Variants in RABGAP1L observed in about 807,000 individuals in gnomAD.
RABGAP1L encodes the protein RAB GTPase activating protein 1 like.
A neutral mutation model predicts 137.7 loss-of-function variants in RABGAP1L; 63 were observed. The ratio of observed to expected loss-of-function variants is 0.46; its 90% CI spans 0.37 to 0.56. The LOEUF (loss-of-function observed/expected upper bound fraction) is 0.56, where lower values mean the gene tolerates loss of function less well. Ranked by LOEUF, RABGAP1L falls within the 20% of genes least tolerant of loss-of-function variation. RABGAP1L has a pLI of 0.00. For synonymous variants in RABGAP1L, 431 were observed against 433.7 expected (o/e 0.99, Z 0.08); for missense variants, 1,095 against 1,244.0 (o/e 0.88, Z 1.80).
At chr1:174,580,032 G>C (rs1378718781) in intron 13 of RABGAP1L, among the ~76,000 whole-genome samples, 1 of 152,182 alleles carries the variant, frequency 6.6e-6, no homozygotes, top group Non-Finnish European at 1.5e-5. Flanking sequence ...AAAGTGCTGG[G>C]ATTACAGGCA....
chr1:174,637,342 T>A (rs769080144), intron 13 of RABGAP1L, 33 bp from the exon 14 acceptor site: 1 of 1,467,066 alleles, frequency 6.8e-7, no homozygotes, highest in East Asian at 2.3e-5. Flanking sequence ...GGGAAAAAAT[T>A]TAATAACCAG....
intron 10 of RABGAP1L, among the ~76,000 whole-genome samples, chr1:174,288,486 G>A (rs1210502818): frequency 6.6e-6 from 1 of 152,044 alleles, no homozygotes; most frequent in African/African-American, 2.4e-5. Context: ...AGTATTCTTG[G>A]TTGAGGATTT....
intron 12 of RABGAP1L, among the ~76,000 whole-genome samples, chr1:174,373,880 G>T (rs1012825378): frequency 6.6e-6 from 1 of 152,168 alleles, no homozygotes; most frequent in Non-Finnish European, 1.5e-5. Context: ...GGGTGGACTT[G>T]TAGCTGATAG....
chr1:174,800,201 T>A, intron 18 of RABGAP1L: 2 of 1,400,032 alleles, frequency 1.4e-6, no homozygotes, highest in Non-Finnish European at 9.3e-7. Context: ...AGACATTAGC[T>A]GACAATTCCC....
intron 5 of RABGAP1L, among the ~76,000 whole-genome samples, chr1:174,244,041 C>T (rs1672049496): frequency 6.6e-6 from 1 of 152,170 alleles, no homozygotes; most frequent in South Asian, 2.1e-4. Context: ...CCAACATCTT[C>T]CTCTCTGCCC....
intron 13 of RABGAP1L, among the ~76,000 whole-genome samples, chr1:174,534,631 C>T (rs1256278107): frequency 1.3e-5 from 2 of 151,446 alleles, no homozygotes; most frequent in South Asian, 2.1e-4. Flanking sequence ...AAAAATTAGC[C>T]GGGCATGGTG....
chr1:174,324,927 A>G (rs1680306661), intron 11 of RABGAP1L, among the ~76,000 whole-genome samples: 1 of 152,166 alleles, frequency 6.6e-6, no homozygotes. Context: ...TGGGAAAGAA[A>G]CCTCATTGTA....
intron 19 of RABGAP1L, among the ~76,000 whole-genome samples, chr1:174,923,878 C>CAAAAAAA (rs1176474943): frequency 1.1e-4 from 10 of 87,132 alleles, no homozygotes; most frequent in Non-Finnish European, 1.5e-4. Context: ...GAGACTGTCT[C>CAAAAAAA]AAAAAAAAAA....
At chr1:174,509,566 T>A (rs1662145882) in intron 13 of RABGAP1L, among the ~76,000 whole-genome samples, 1 of 152,122 alleles carries the variant, frequency 6.6e-6, no homozygotes. Flanking sequence ...CAATGAGTTG[T>A]CTCAGTCCCA....
chr1:174,491,118 T>C (rs1660183301), intron 13 of RABGAP1L, among the ~76,000 whole-genome samples: 2 of 152,156 alleles, frequency 1.3e-5, no homozygotes, highest in Non-Finnish European at 1.5e-5. Context: ...TACTTTTTCC[T>C]CTGCTTTCTT....
chr1:174,621,596 A>G (rs1007890738), intron 13 of RABGAP1L, among the ~76,000 whole-genome samples: 7 of 152,210 alleles, frequency 4.6e-5, no homozygotes, highest in South Asian at 2.1e-4. Context: ...AAAACAAGCA[A>G]TGGGGAAAGG....
At chr1:174,190,213 G>C (rs1424328397) in intron 1 of RABGAP1L, among the ~76,000 whole-genome samples, 2 of 148,872 alleles carry the variant, frequency 1.3e-5, no homozygotes, top group African/African-American at 5.0e-5. Context: ...TGAGCCAGGA[G>C]AATCACTTGA....
At chr1:174,681,475 T>C (rs1002565819) in intron 14 of RABGAP1L, among the ~76,000 whole-genome samples, 5 of 152,224 alleles carry the variant, frequency 3.3e-5, no homozygotes, top group Non-Finnish European at 5.9e-5. Context: ...GAGTACATTA[T>C]TGTATGATTC....
chr1:174,460,101 C>T (rs964305055), intron 13 of RABGAP1L, among the ~76,000 whole-genome samples: 7 of 152,000 alleles, frequency 4.6e-5, no homozygotes, highest in South Asian at 2.1e-4. Flanking sequence ...TTTTTATATA[C>T]CCACCAGCTT....
intron 11 of RABGAP1L, among the ~76,000 whole-genome samples, chr1:174,364,089 T>C: frequency 6.6e-6 from 1 of 151,872 alleles, no homozygotes; most frequent in Non-Finnish European, 1.5e-5. Context: ...CCTCTGTTTT[T>C]CAGAATAGTT....
intron 13 of RABGAP1L, among the ~76,000 whole-genome samples, chr1:174,492,176 CTTTTTT>C (rs756360090): frequency 8.3e-6 from 1 of 120,010 alleles, no homozygotes; most frequent in Admixed American, 8.4e-5. Flanking sequence ...TGTCGAATTA[CTTTTTT>C]TTTTTTTTTT....
intron 10 of RABGAP1L, among the ~76,000 whole-genome samples, chr1:174,289,355 G>T (rs533894797): frequency 2.0e-5 from 3 of 152,146 alleles, no homozygotes; most frequent in African/African-American, 7.2e-5. Context: ...TTTTAAAAAT[G>T]GTTTTTATTA....
intron 18 of RABGAP1L, among the ~76,000 whole-genome samples, chr1:174,762,336 T>C (rs763665849): frequency 3.9e-5 from 6 of 152,186 alleles, no homozygotes; most frequent in African/African-American, 9.7e-5. Flanking sequence ...TCTTTCAGGT[T>C]TTCCCAATAG....
intron 18 of RABGAP1L, among the ~76,000 whole-genome samples, chr1:174,786,645 A>G (rs1231549610): frequency 6.6e-6 from 1 of 152,172 alleles, no homozygotes; most frequent in Non-Finnish European, 1.5e-5. Context: ...GTTGACCTTT[A>G]TTTATTTTCT....
Sources: gnomAD v4.1 joint callset for allele counts (sites outside exome capture counted in the v4.1 genomes callset) on GRCh38, gnomAD v4.1.1 for gene constraint, MANE v1.5 for transcripts, NCBI Gene and HGNC (gene_info 2026-07-23, HGNC 2026-07-21) for gene names.